The following CTNNA3 variants were observed in gnomAD, a reference collection of about 807,000 sequenced individuals.
CTNNA3 encodes the protein catenin alpha 3.
Under a neutral mutation model 95.7 loss-of-function variants are expected in CTNNA3, and 76 were observed. The observed-to-expected ratio is 0.79, with a 90% CI of 0.66 to 0.96. The LOEUF (loss-of-function observed/expected upper bound fraction) is 0.96, where lower values mean the gene tolerates loss of function less well. CTNNA3 is among the 40% of genes least tolerant of loss of function. The pLI is 0.00. For synonymous variants in CTNNA3, 431 were observed against 374.4 expected, an observed-to-expected ratio of 1.15 and a Z score of -1.74; for missense variants, 1,191 against 1,089.8, an observed-to-expected ratio of 1.09 and a Z score of -1.31.
At chr10:66,531,687 G>C (rs772966423) in intron 10 of CTNNA3, among the ~76,000 whole-genome samples, 99 of 151,952 alleles carry the variant, frequency 6.5e-4, no homozygotes, top group Non-Finnish European at 3.7e-4. Context: ...ATTTTTTTAA[G>C]TCTGAGTTAA....
At chr10:66,757,020 T>C (rs77111413) in intron 9 of CTNNA3, among the ~76,000 whole-genome samples, 3,879 of 152,324 alleles carry the variant, frequency 0.025, 46 homozygotes, top group Middle Eastern at 0.061. Context: ...GGCTTTTACA[T>C]TGAAATCCAT....
At chr10:66,678,268 T>C (rs2132492800) in intron 9 of CTNNA3, among the ~76,000 whole-genome samples, 1 of 152,310 alleles carries the variant, frequency 6.6e-6, no homozygotes, top group East Asian at 1.9e-4. Flanking sequence ...TCTATGCTTT[T>C]GTGCTCTCAT....
At chr10:67,117,896 T>C (rs1399715987) in intron 7 of CTNNA3, among the ~76,000 whole-genome samples, 1 of 151,990 alleles carries the variant, frequency 6.6e-6, no homozygotes, top group African/African-American at 2.4e-5. Flanking sequence ...TGGAAGCACA[T>C]TTGGATGACT....
chr10:67,334,587 T>C (rs1311376348), intron 5 of CTNNA3: 1 of 152,492 alleles, frequency 6.6e-6, no homozygotes, highest in African/African-American at 2.4e-5. Flanking sequence ...ATCAAGCTGA[T>C]TGCTGAGGGC....
rs1335398140 is a variant in CTNNA3, at chr10:67,089,158, C to T, written c.1047+91159G>A. Among the ~76,000 whole-genome samples, 3 of 151,850 alleles carry T rather than the reference C, an allele frequency of 2.0e-5. No individual in the cohort carries two copies. The South Asian group carries it at 6.2e-4, about 31-fold the overall frequency. Reference sequence around the variant, plus strand: ...GCTATCGGGAGTCCTAGAGCCAATCCCCCATGGATACTGAGGGAGGACTGT... The same window carrying T: ...GCTATCGGGAGTCCTAGAGCCAATCTCCCATGGATACTGAGGGAGGACTGT... On this transcript the variant is annotated intron_variant, in intron 7 of 17. Coordinates refer to ENST00000433211, the MANE Select transcript of CTNNA3 (RefSeq NM_013266.4).
intron 4 of CTNNA3, among the ~76,000 whole-genome samples, chr10:67,531,211 C>T (rs1840314465): frequency 1.3e-5 from 2 of 152,136 alleles, no homozygotes; most frequent in South Asian, 2.1e-4. Flanking sequence ...AGAAGAGGGC[C>T]ACTGTCCTCC....
chr10:67,418,654 C>T (rs974984902), intron 5 of CTNNA3, among the ~76,000 whole-genome samples: 1 of 151,934 alleles, frequency 6.6e-6, no homozygotes, highest in Non-Finnish European at 1.5e-5. Flanking sequence ...GTTGAACTCA[C>T]ACAAGTAGAG....
rs190484818 is a variant in CTNNA3, at chr10:65,918,080, C to T, written c.*2250G>A. 6 of 152,074 alleles carry T rather than the reference C, an allele frequency of 3.9e-5. No individual in the cohort carries two copies. The East Asian group carries it at 1.2e-3, about 29-fold the overall frequency. The allele number at this position is 152,074 out of a possible 1,614,324, so 9.4% of individuals were successfully genotyped here. ...GCTTTGAGCTAAGCTGAAAATCTGC[C>T]TGGGTTAAAGAGGAGAACTTGTTCA... On this transcript the variant is annotated 3_prime_UTR_variant, in exon 18 of 18. Transcript: ENST00000433211.
intron 5 of CTNNA3, among the ~76,000 whole-genome samples, chr10:67,269,975 AC>A (rs1838899392): frequency 6.6e-6 from 1 of 152,136 alleles, no homozygotes; most frequent in Non-Finnish European, 1.5e-5. Flanking sequence ...TGAGGTCTGT[AC>A]TGAATGCTAA....
chr10:66,125,881 C>G (rs2082806847), intron 13 of CTNNA3, among the ~76,000 whole-genome samples: 1 of 152,070 alleles, frequency 6.6e-6, no homozygotes, highest in African/African-American at 2.4e-5. Context: ...GAAGCGCAGG[C>G]CTTTTTTGAC....
chr10:66,428,026 C>A (rs2093258241), intron 11 of CTNNA3, among the ~76,000 whole-genome samples: 1 of 152,064 alleles, frequency 6.6e-6, no homozygotes, highest in South Asian at 2.1e-4. Context: ...TGCAGAGACA[C>A]ACATGGGCTC....
chr10:66,174,961 C>T (rs1258261924), intron 13 of CTNNA3, among the ~76,000 whole-genome samples: 2 of 151,998 alleles, frequency 1.3e-5, no homozygotes, highest in African/African-American at 2.4e-5. Flanking sequence ...AATGCTTGGC[C>T]TAGAACACCA....
intron 5 of CTNNA3, among the ~76,000 whole-genome samples, chr10:67,249,583 C>T (rs1189069374): frequency 6.6e-6 from 1 of 152,086 alleles, no homozygotes; most frequent in Non-Finnish European, 1.5e-5. Context: ...TATTACCGAG[C>T]TTGTAAATAA....
chr10:67,420,357 T>C (rs921991231), intron 5 of CTNNA3, among the ~76,000 whole-genome samples: 1 of 152,224 alleles, frequency 6.6e-6, no homozygotes, highest in African/African-American at 2.4e-5. Flanking sequence ...ACAAAAACTT[T>C]GCAGCAATAA....
chr10:65,983,938 T>C (rs1200333560), intron 16 of CTNNA3, among the ~76,000 whole-genome samples: 1 of 151,412 alleles, frequency 6.6e-6, no homozygotes, highest in African/African-American at 2.4e-5. Context: ...ACTAATCTAA[T>C]TGTTTCATTC....
intron 1 of CTNNA3, among the ~76,000 whole-genome samples, chr10:67,726,322 T>A (rs1350792521): frequency 1.3e-5 from 1 of 75,956 alleles, no homozygotes; most frequent in African/African-American, 5.9e-5. Context: ...ATTATATATA[T>A]TATCTTACAT....
intron 15 of CTNNA3, among the ~76,000 whole-genome samples, chr10:66,052,710 T>C (rs185315142): frequency 6.6e-6 from 1 of 152,176 alleles, no homozygotes; most frequent in East Asian, 1.9e-4. Context: ...TGTGGTAGGA[T>C]TGAGGCAGGG....
chr10:66,798,110 C>T (rs1470301429), intron 7 of CTNNA3, among the ~76,000 whole-genome samples: 2 of 151,738 alleles, frequency 1.3e-5, no homozygotes, highest in Non-Finnish European at 2.9e-5. Flanking sequence ...TAAAAAATTG[C>T]TCAAGTCTCC....
intron 10 of CTNNA3, among the ~76,000 whole-genome samples, chr10:66,588,515 CA>C (rs1843437673): frequency 6.6e-6 from 1 of 152,132 alleles, no homozygotes; most frequent in Non-Finnish European, 1.5e-5. Context: ...AAAACACCTG[CA>C]ACTTAGCATG....
Sources: allele counts gnomAD v4.1 joint callset (sites outside exome capture counted in the v4.1 genomes callset), GRCh38; gene constraint gnomAD v4.1.1; transcripts MANE v1.5; gene names NCBI Gene and HGNC (gene_info 2026-07-23, HGNC 2026-07-21).